The following SHROOM3 variants were observed in gnomAD, a reference collection of about 807,000 sequenced individuals.
SHROOM3 encodes the protein protein Shroom3.
In SHROOM3, 47 loss-of-function variants were observed where a neutral mutation model predicts 138.6. The ratio of observed to expected loss-of-function variants is 0.34; its 90% confidence interval spans 0.27 to 0.43. The LOEUF (loss-of-function observed/expected upper bound fraction) is 0.43, where lower values mean the gene tolerates loss of function less well. Ranked by LOEUF, SHROOM3 falls within the 20% of genes least tolerant of loss-of-function variation. SHROOM3 has a pLI of 1.00. For missense variants in SHROOM3, 2,491 were observed against 2,596.5 expected (o/e 0.96, Z 0.88); for synonymous variants, 1,062 against 1,063.3 (o/e 1.00, Z 0.02).
chr4:76,575,866 T>A (rs1020522481), intron 2 of SHROOM3, among the ~76,000 whole-genome samples: 8 of 152,242 alleles, frequency 5.3e-5, no homozygotes, highest in African/African-American at 1.9e-4. Flanking sequence ...AGAAGACATA[T>A]AAATGGCAAA....
chr4:76,669,189 G>C (rs776521190), intron 2 of SHROOM3, among the ~76,000 whole-genome samples: 25 of 152,122 alleles, frequency 1.6e-4, no homozygotes, highest in Non-Finnish European at 3.1e-4. Context: ...TGTATACCTT[G>C]TTCAATTGGA....
chr4:76,707,417 G>T (rs922029811), intron 2 of SHROOM3, among the ~76,000 whole-genome samples: 1 of 152,126 alleles, frequency 6.6e-6, no homozygotes, highest in Non-Finnish European at 1.5e-5. Context: ...TAAAAAAGTT[G>T]TGGGAATAAT....
intron 2 of SHROOM3, among the ~76,000 whole-genome samples, chr4:76,608,468 A>T (rs1399662395): frequency 6.6e-6 from 1 of 152,120 alleles, no homozygotes; most frequent in African/African-American, 2.4e-5. Context: ...CTCTCAGTCC[A>T]TTGGCCTGGT....
chr4:76,746,013 A>G (rs185031981), intron 5 of SHROOM3, among the ~76,000 whole-genome samples: 19 of 152,300 alleles, frequency 1.2e-4, no homozygotes, highest in African/African-American at 4.1e-4. Flanking sequence ...TATTCCTCAC[A>G]TCTGTGCAAT....
chr4:76,754,328 A>G lies in SHROOM3; in HGVS notation c.3845A>G (p.Glu1282Gly), dbSNP rs1245217502. ...GPGSRSLSCS[E>G]RGQEEMLPLF... ...CGTTCCAGGTCACTCAGTTGTTCAG[A>G]AAGAGGCCAAGAAGAGATGCTGCCG... The change falls in exon 7 of 11, where the codon GAA (glutamate) becomes GGA (glycine). Residue 1282 changes from glutamate (E) to glycine (G), a missense_variant. Coordinates refer to ENST00000296043, the MANE Select transcript of SHROOM3 (RefSeq NM_020859.4). The G allele has an allele frequency of 6.2e-7, 1 of 1,614,124 alleles. No individual in the cohort carries two copies. Among genetic ancestry groups the G allele is most frequent in the East Asian group, 2.2e-5 (1 of 44,874 alleles).
intron 2 of SHROOM3, among the ~76,000 whole-genome samples, chr4:76,647,122 C>T (rs553219499): frequency 1.3e-5 from 2 of 152,244 alleles, no homozygotes; most frequent in Admixed American, 1.3e-4. Flanking sequence ...ATGGGTGGAA[C>T]TAGAGGTTCT....
intron 2 of SHROOM3, among the ~76,000 whole-genome samples, chr4:76,661,212 C>T (rs1736176372): frequency 6.6e-6 from 1 of 151,986 alleles, no homozygotes; most frequent in South Asian, 2.1e-4. Flanking sequence ...ATCCACATCC[C>T]TATCAAACTA....
rs1734170029 is a variant in SHROOM3 at position 76,587,037 on chromosome 4, T to C, written c.323+31274T>C. Reference sequence around the variant, plus strand: ...GTTGGCTCACTCTTCTCATCCTTTATGTTTCAGAGAAGGTCGGATTATAAA... The same window carrying C: ...GTTGGCTCACTCTTCTCATCCTTTACGTTTCAGAGAAGGTCGGATTATAAA... On this transcript the variant is annotated intron_variant, in intron 2 of 10. Coordinates refer to ENST00000296043, the MANE Select transcript of SHROOM3 (RefSeq NM_020859.4). 4 of 152,238 alleles carry C rather than the reference T, an allele frequency of 2.6e-5. No homozygotes were observed. The South Asian group carries it at 8.3e-4, about 32-fold the overall frequency. 9.4% of individuals were successfully genotyped at this position (152,238 alleles called of 1,614,324 possible).
intron 2 of SHROOM3, among the ~76,000 whole-genome samples, chr4:76,635,379 G>A (rs149849889): frequency 2.2e-3 from 334 of 152,254 alleles, no homozygotes; most frequent in African/African-American, 6.2e-3. Flanking sequence ...CCTCCTCTTC[G>A]TTTTGGGACC....
At chr4:76,754,230 C>A in intron 6 of SHROOM3, 81 bp from the exon 7 acceptor site, 1 of 1,568,118 alleles carries the variant, frequency 6.4e-7, no homozygotes, top group South Asian at 1.1e-5. Context: ...AAATGCTTTT[C>A]TCATCTATGT....
intron 2 of SHROOM3, among the ~76,000 whole-genome samples, chr4:76,663,643 C>T (rs1318667688): frequency 1.3e-5 from 2 of 152,112 alleles, no homozygotes; most frequent in African/African-American, 2.4e-5. Flanking sequence ...GATCCTCCTC[C>T]CTCAGCCTCC....
At chr4:76,708,940 G>A (rs558474907) in intron 2 of SHROOM3, among the ~76,000 whole-genome samples, 3 of 152,090 alleles carry the variant, frequency 2.0e-5, no homozygotes, top group Non-Finnish European at 2.9e-5. Context: ...TCCTAAATTC[G>A]GTGAGAAAAG....
chr4:76,610,894 T>C (rs919215477), intron 2 of SHROOM3, among the ~76,000 whole-genome samples: 2 of 152,134 alleles, frequency 1.3e-5, no homozygotes. Flanking sequence ...ATTCAGGCAA[T>C]TGGTGACGAG....
intron 1 of SHROOM3, among the ~76,000 whole-genome samples, chr4:76,472,166 G>A (rs572832915): frequency 6.6e-6 from 1 of 152,174 alleles, no homozygotes; most frequent in Non-Finnish European, 1.5e-5. Flanking sequence ...CTCCTACCCA[G>A]AGTGAGACAT....
intron 1 of SHROOM3, among the ~76,000 whole-genome samples, chr4:76,441,383 G>A (rs1320366782): frequency 1.3e-5 from 2 of 151,876 alleles, no homozygotes; most frequent in South Asian, 2.1e-4. Context: ...GTGAGCCACC[G>A]CGCCCAGCCC....
At chr4:76,709,795 G>T (rs1381325376) in intron 2 of SHROOM3, 10 of 290,776 alleles carry the variant, frequency 3.4e-5, no homozygotes, top group African/African-American at 2.2e-4. Context: ...GTTTGCTTCA[G>T]TGAATCCAGT....
At chr4:76,540,045 G>A (rs144663976) in intron 1 of SHROOM3, among the ~76,000 whole-genome samples, 4 of 152,144 alleles carry the variant, frequency 2.6e-5, no homozygotes, top group African/African-American at 7.2e-5. Flanking sequence ...ACAGGGTTTC[G>A]CCATGTTGGC....
intron 3 of SHROOM3, among the ~76,000 whole-genome samples, chr4:76,729,864 G>A (rs1407266166): frequency 6.6e-6 from 1 of 152,134 alleles, no homozygotes; most frequent in African/African-American, 2.4e-5. Context: ...TTAGCTACAA[G>A]GCCAAGTACA....
At chr4:76,491,918 C>T (rs1470116182) in intron 1 of SHROOM3, among the ~76,000 whole-genome samples, 1 of 152,028 alleles carries the variant, frequency 6.6e-6, no homozygotes, top group East Asian at 1.9e-4. Context: ...TCACAATTGC[C>T]CACTGAAGCC....
Sources: allele counts gnomAD v4.1 joint callset (sites outside exome capture counted in the v4.1 genomes callset), GRCh38; gene constraint gnomAD v4.1.1; transcripts MANE v1.5; gene names NCBI Gene and HGNC (gene_info 2026-07-23, HGNC 2026-07-21).